CTNNA2: variants seen among roughly 807,000 people sequenced by gnomAD.
CTNNA2 encodes catenin alpha-2.
Under a neutral mutation model 101.0 loss-of-function variants are expected in CTNNA2, and 42 were observed. The ratio of observed to expected loss-of-function variants is 0.42; its 90% confidence interval spans 0.32 to 0.54. CTNNA2 has a LOEUF of 0.54. Among genes scored for constraint, CTNNA2 ranks in the 20% least tolerant of loss-of-function variants. The pLI is 0.14. For synonymous variants in CTNNA2, 450 were observed against 456.4 expected, an observed-to-expected ratio of 0.99 and a Z score of 0.18; for missense variants, 871 against 1,223.1, an observed-to-expected ratio of 0.71 and a Z score of 4.29.
chr2:80,099,603 G>A (rs1475651284), intron 7 of CTNNA2, among the ~76,000 whole-genome samples: 2 of 152,110 alleles, frequency 1.3e-5, no homozygotes, highest in African/African-American at 4.8e-5. Flanking sequence ...ATGTCAGAAG[G>A]CTGAAGAAGT....
rs555797831 is a variant in CTNNA2 at position 79,213,782 on chromosome 2, T to C, written c.-406+15706T>C. 2.8e-4 allele frequency among the ~76,000 whole-genome samples: 42 copies of C among 152,266 alleles called. No homozygotes were observed. The East Asian group carries it at 5.2e-3, about 19-fold the overall frequency. The stretch of plus-strand genomic sequence containing the variant: ...TGGGAAACTCAACAAAGAGTGAGTA[T>C]AGCTGAAGGAGCCAGGAAGCAGAAA... On this transcript the variant is annotated intron_variant, in intron 2 of 21. Coordinates refer to the CTNNA2 transcript ENST00000466387.
At chr2:80,487,601 T>C (rs575104965) in intron 9 of CTNNA2, among the ~76,000 whole-genome samples, 1 of 152,282 alleles carries the variant, frequency 6.6e-6, no homozygotes, top group African/African-American at 2.4e-5. Context: ...ACTGCCCCCA[T>C]GATTCAATTA....
intron 7 of CTNNA2, among the ~76,000 whole-genome samples, chr2:80,035,609 G>A (rs192127922): frequency 6.6e-6 from 1 of 152,034 alleles, no homozygotes; most frequent in Admixed American, 6.5e-5. Context: ...GATTGAAAGG[G>A]GACAGCATCA....
chr2:80,423,572 C>A (rs144661570), intron 9 of CTNNA2, among the ~76,000 whole-genome samples: 55 of 152,174 alleles, frequency 3.6e-4, no homozygotes, highest in African/African-American at 8.2e-4. Context: ...ATGTTTGGAT[C>A]AATTTTGTTT....
intron 3 of CTNNA2, among the ~76,000 whole-genome samples, chr2:79,372,715 G>T (rs1336305643): frequency 6.6e-6 from 1 of 152,090 alleles, no homozygotes; most frequent in African/African-American, 2.4e-5. Flanking sequence ...ACATTCAACG[G>T]TTAAAAACCA....
intron 7 of CTNNA2, among the ~76,000 whole-genome samples, chr2:79,930,294 G>GAAAGAA (rs1382657195): frequency 3.1e-4 from 38 of 121,964 alleles, no homozygotes; most frequent in Non-Finnish European, 4.2e-4. Context: ...GAGAGAGAAA[G>GAAAGAA]AGAAAGAAAG....
chr2:80,402,516 A>G (rs1678648046), intron 8 of CTNNA2, among the ~76,000 whole-genome samples: 1 of 152,108 alleles, frequency 6.6e-6, no homozygotes, highest in African/African-American at 2.4e-5. Context: ...ATTAGAATAA[A>G]AGATGCTGTC....
intron 7 of CTNNA2, chr2:80,298,994 G>A (rs1676004706): frequency 6.6e-6 from 1 of 152,124 alleles, no homozygotes; most frequent in Admixed American, 6.5e-5. Flanking sequence ...CATTTGTCAT[G>A]TGAAAAGACT....
At chr2:79,653,258 A>G (rs529643246) in intron 2 of CTNNA2, among the ~76,000 whole-genome samples, 21 of 152,158 alleles carry the variant, frequency 1.4e-4, no homozygotes, top group African/African-American at 4.8e-4. Context: ...CATATTTTCA[A>G]CCAGGTATTC....
At chr2:80,215,555 C>T (rs970050493) in intron 7 of CTNNA2, among the ~76,000 whole-genome samples, 7 of 152,170 alleles carry the variant, frequency 4.6e-5, no homozygotes, top group African/African-American at 1.7e-4. Flanking sequence ...TGGGTAACAC[C>T]AGCTGAGGCT....
At chr2:79,568,082 C>T (rs1258266197) in intron 1 of CTNNA2, among the ~76,000 whole-genome samples, 2 of 152,090 alleles carry the variant, frequency 1.3e-5, no homozygotes, top group South Asian at 2.1e-4. Context: ...ATTTTTTTCT[C>T]ACCTGGTATA....
intron 3 of CTNNA2, among the ~76,000 whole-genome samples, chr2:79,849,648 C>T (rs1403374097): frequency 6.6e-6 from 1 of 152,084 alleles, no homozygotes; most frequent in Non-Finnish European, 1.5e-5. Flanking sequence ...CTAGCAAAGG[C>T]CTATGTGGGC....
At chr2:79,920,190 C>T (rs1280545751) in intron 7 of CTNNA2, among the ~76,000 whole-genome samples, 2 of 152,168 alleles carry the variant, frequency 1.3e-5, no homozygotes, top group Non-Finnish European at 2.9e-5. Context: ...GCACTCCAAC[C>T]TAGGCAATGA....
intron 7 of CTNNA2, among the ~76,000 whole-genome samples, chr2:80,000,604 A>C (rs1457822868): frequency 6.6e-6 from 1 of 152,114 alleles, no homozygotes; most frequent in Non-Finnish European, 1.5e-5. Context: ...TCAATCATTG[A>C]TATTATACTT....
At chr2:80,170,247 G>T (rs1380124561) in intron 7 of CTNNA2, among the ~76,000 whole-genome samples, 2 of 150,862 alleles carry the variant, frequency 1.3e-5, no homozygotes, top group Admixed American at 6.6e-5. Context: ...GTGTGTGTGT[G>T]TTTGTGTGTG....
intron 7 of CTNNA2, among the ~76,000 whole-genome samples, chr2:80,080,287 G>T (rs887491610): frequency 2.0e-5 from 3 of 152,180 alleles, no homozygotes; most frequent in Non-Finnish European, 4.4e-5. Context: ...CAGTGAAGCT[G>T]CCATACTCAA....
chr2:79,216,647 G>A (rs1393852823), intron 2 of CTNNA2, among the ~76,000 whole-genome samples: 1 of 151,650 alleles, frequency 6.6e-6, no homozygotes, highest in Non-Finnish European at 1.5e-5. Context: ...AGGGGTTGGG[G>A]GGTTCTTGCT....
In CTNNA2 at chr2:79,217,086, G is replaced by A. The variant is rs143860539; in HGVS notation, c.-406+19010G>A. 6.7e-3 allele frequency among the ~76,000 whole-genome samples: 1,013 copies of A among 152,216 alleles called. 5 individuals are homozygous for A. Among genetic ancestry groups the A allele is most frequent in the Non-Finnish European group, 8.8e-3 (601 of 68,022 alleles). On this transcript the variant is annotated intron_variant, in intron 2 of 21. Coordinates refer to the CTNNA2 transcript ENST00000466387. ...GAGAAGGGAGAGATTGAAGGGTGGC[G>A]CCAATATTGAAAGGAGATAGTGGTT... is the stretch of plus-strand genomic sequence containing the variant.
chr2:79,842,048 T>A (rs191796860), intron 3 of CTNNA2, among the ~76,000 whole-genome samples: 214 of 152,352 alleles, frequency 1.4e-3, no homozygotes, highest in African/African-American at 5.0e-3. Context: ...AGTGTTTCAG[T>A]TCTTTCAAAT....
Sources: gnomAD v4.1 joint callset for allele counts (sites outside exome capture counted in the v4.1 genomes callset) on GRCh38, gnomAD v4.1.1 for gene constraint, MANE v1.5 for transcripts, NCBI Gene and HGNC (gene_info 2026-07-23, HGNC 2026-07-21) for gene names.